NEDD9: variants seen among roughly 807,000 people sequenced by gnomAD.
The protein encoded by NEDD9 is neural precursor cell expressed, developmentally down-regulated 9.
Under a neutral mutation model 76.6 loss-of-function variants are expected in NEDD9, and 26 were observed. The ratio of observed to expected loss-of-function variants is 0.34; its 90% CI spans 0.25 to 0.47. The LOEUF (loss-of-function observed/expected upper bound fraction) is 0.47. Among genes scored for constraint, NEDD9 ranks in the 20% least tolerant of loss-of-function variants. The pLI, the probability that NEDD9 is intolerant of heterozygous loss-of-function variation, is 1.00. For synonymous variants in NEDD9, 392 were observed against 414.2 expected, an observed-to-expected ratio of 0.95 and a Z score of 0.65; for missense variants, 937 against 1,058.5, an observed-to-expected ratio of 0.89 and a Z score of 1.59.
intron 1 of NEDD9, among the ~76,000 whole-genome samples, chr6:11,346,201 C>T (rs1762361161): frequency 6.6e-6 from 1 of 152,214 alleles, no homozygotes; most frequent in African/African-American, 2.4e-5. Flanking sequence ...AGAAAGTCTT[C>T]AGAAGATGCT....
intron 1 of NEDD9, among the ~76,000 whole-genome samples, chr6:11,217,859 A>G (rs1759002340): frequency 6.6e-6 from 1 of 152,224 alleles, no homozygotes; most frequent in South Asian, 2.1e-4. Context: ...AGCAGCCTCT[A>G]GCCTTGATCC....
At chr6:11,264,458 C>G (rs745338116) in intron 3 of NEDD9, among the ~76,000 whole-genome samples, 1 of 152,104 alleles carries the variant, frequency 6.6e-6, no homozygotes, top group African/African-American at 2.4e-5. Flanking sequence ...CAATCTCTAG[C>G]CCAGTTGTTC....
At chr6:11,247,296 G>T (rs1046365201) in intron 3 of NEDD9, among the ~76,000 whole-genome samples, 1 of 152,132 alleles carries the variant, frequency 6.6e-6, no homozygotes, top group Non-Finnish European at 1.5e-5. Context: ...TATGCTCAAA[G>T]TCAGTTCTGC....
Position 11,192,370 on chromosome 6 carries a change from A to T in NEDD9, c.638T>A (p.Val213Glu). Residue 213 changes from valine to glutamate, a missense_variant, in exon 4 of 7, where the codon GTG (valine) becomes GAG (glutamate). By Grantham distance (121) the Val-to-Glu change is moderately radical. Transcript: ENST00000379446. ...VPVGEIKPQG[V>E]YDIPPTKGVY... is the part of the protein sequence containing the mutation. ...CCCTTTTGTAGGCGGGATGTCATAC[A>T]CCCCTTGAGGTTTTATCTCTCCCAC... 6.3e-7 allele frequency: 1 copy of T among 1,598,692 alleles called. No homozygotes were observed. Among genetic ancestry groups the T allele is most frequent in the Non-Finnish European group, 8.5e-7 (1 of 1,175,292 alleles).
At chr6:11,187,726 C>A (rs569211559) in intron 6 of NEDD9, among the ~76,000 whole-genome samples, 1 of 152,068 alleles carries the variant, frequency 6.6e-6, no homozygotes, top group South Asian at 2.1e-4. Context: ...TACAGGGGAG[C>A]CAAATGAGTA....
chr6:11,322,133 A>G (rs190225206), intron 2 of NEDD9, among the ~76,000 whole-genome samples: 1 of 152,276 alleles, frequency 6.6e-6, no homozygotes, highest in Non-Finnish European at 1.5e-5. Context: ...CAATAAGAAC[A>G]CGTGAACACA....
rs534210848 is a variant in NEDD9, at chr6:11,370,225, G to A, written c.-214+11914C>T. 9.9e-5 allele frequency among the ~76,000 whole-genome samples: 15 copies of A among 152,278 alleles called. No homozygotes were observed. Among genetic ancestry groups the A allele is most frequent in the African/African-American group, 3.4e-4 (14 of 41,540 alleles). On this transcript the variant is annotated intron_variant, in intron 1 of 3. Transcript: ENST00000397378. This position sits in a 1 kb window ranked among gnomAD's most constrained non-coding sequence, Gnocchi z 4.2. Reference sequence around the variant, plus strand: ...ATCACAGGCCTGCTTAGAGTAAAACGCTGCACCGAAGCTCTGCTGACGTTT... The same window carrying A: ...ATCACAGGCCTGCTTAGAGTAAAACACTGCACCGAAGCTCTGCTGACGTTT...
intron 2 of NEDD9, among the ~76,000 whole-genome samples, chr6:11,202,704 C>T (rs906703016): frequency 2.6e-5 from 4 of 152,190 alleles, no homozygotes; most frequent in African/African-American, 9.7e-5. Flanking sequence ...TGAGTCTGGC[C>T]TTAAAAATAC....
intron 2 of NEDD9, among the ~76,000 whole-genome samples, chr6:11,333,456 T>C (rs2113507408): frequency 6.6e-6 from 1 of 152,330 alleles, no homozygotes; most frequent in Non-Finnish European, 1.5e-5. Flanking sequence ...CTCAGTTGGA[T>C]TTATTGTGCC....
At chr6:11,342,283 A>T (rs955649002) in intron 1 of NEDD9, among the ~76,000 whole-genome samples, 4 of 152,144 alleles carry the variant, frequency 2.6e-5, no homozygotes, top group Non-Finnish European at 5.9e-5. Context: ...TATCTGAAGA[A>T]ATAGTGGCCA....
chr6:11,215,907 C>T (rs1459332232), intron 1 of NEDD9, among the ~76,000 whole-genome samples: 3 of 152,238 alleles, frequency 2.0e-5, no homozygotes, highest in East Asian at 1.9e-4. Flanking sequence ...CCACTTCCAA[C>T]TCCAAGAGCA....
intron 3 of NEDD9, among the ~76,000 whole-genome samples, chr6:11,265,105 G>T (rs986808617): frequency 1.3e-5 from 2 of 152,194 alleles, no homozygotes; most frequent in Non-Finnish European, 1.5e-5. Flanking sequence ...TCAGTTTTCA[G>T]ATTTTTTAAT....
intron 3 of NEDD9, chr6:11,271,838 G>C (rs945328915): frequency 6.6e-6 from 1 of 152,150 alleles, no homozygotes; most frequent in African/African-American, 2.4e-5. Flanking sequence ...TCCAGCTGTT[G>C]TTGGTAAAGA....
chr6:11,346,660 A>C (rs986575724), intron 1 of NEDD9, among the ~76,000 whole-genome samples: 4 of 152,068 alleles, frequency 2.6e-5, no homozygotes, highest in Admixed American at 2.6e-4. Context: ...GGAGGACTGG[A>C]GTTATAGATA....
chr6:11,307,506 C>T (rs1292601762), intron 2 of NEDD9, among the ~76,000 whole-genome samples: 6 of 152,114 alleles, frequency 3.9e-5, no homozygotes, highest in African/African-American at 1.4e-4. Context: ...AGCGCCCTGT[C>T]TGTCTATTGC....
At chr6:11,200,759 T>C (rs1333625796) in intron 2 of NEDD9, 1 of 1,403,044 alleles carries the variant, frequency 7.1e-7, no homozygotes, top group Non-Finnish European at 9.2e-7. Context: ...TGATCATCTG[T>C]AGAGTTCTTG....
At chr6:11,367,885 G>T (rs9348868) in intron 1 of NEDD9, among the ~76,000 whole-genome samples, 107,314 of 152,152 alleles carry the variant, frequency 0.71, 38,575 homozygotes, top group African/African-American at 0.82. Flanking sequence ...AAATAAGTCC[G>T]GCAGAGCTAT....
chr6:11,192,858 G>C (rs1243153809), intron 3 of NEDD9, among the ~76,000 whole-genome samples: 1 of 148,874 alleles, frequency 6.7e-6, no homozygotes, highest in Non-Finnish European at 1.5e-5. Context: ...GCCTGAACCC[G>C]GGAGGCAGAG....
Position 11,317,924 on chromosome 6 carries a change from C to T in NEDD9, c.-152-11769G>A, listed in dbSNP as rs9468849. Among the ~76,000 whole-genome samples, 1,216 of 152,312 alleles carry T rather than the reference C, an allele frequency of 8.0e-3. 17 individuals are homozygous for T. The highest frequency in any genetic ancestry group is 0.028 in the African/African-American group (1,163 of 41,562). ...AGTAAAGCAGGTGGCCCTCCCGATG[C>T]AGGTGGGCCTTGTTCAATCAGTTGA... On this transcript the variant is annotated intron_variant, in intron 2 of 3. Coordinates refer to the NEDD9 transcript ENST00000397378.
Sources: gnomAD v4.1 joint callset for allele counts (sites outside exome capture counted in the v4.1 genomes callset) on GRCh38, gnomAD v4.1.1 for gene constraint, Gnocchi (gnomAD v3.1) non-coding constraint, MANE v1.5 for transcripts, NCBI Gene and HGNC (gene_info 2026-07-23, HGNC 2026-07-21) for gene names.